The following HOOK1 variants were observed in gnomAD, a reference collection of about 807,000 sequenced individuals.
The protein encoded by HOOK1 is protein Hook homolog 1.
HOOK1 carries 60 observed loss-of-function variants against 112.8 expected under a neutral mutation model. That is an observed-to-expected ratio of 0.53 (90% CI 0.43 to 0.66). The LOEUF is 0.66. Ranked by LOEUF, HOOK1 falls within the 30% of genes least tolerant of loss-of-function variation. The pLI is 0.00. For missense variants in HOOK1, 770 were observed against 856.0 expected (o/e 0.90, Z 1.25); for synonymous variants, 294 against 283.8 (o/e 1.04, Z -0.36).
chr1:59,848,379 G>C lies in HOOK1; in HGVS notation c.994G>C (p.Asp332His). The C allele has an allele frequency of 1.2e-6, 2 of 1,611,190 alleles. No homozygotes were observed. The highest frequency in any genetic ancestry group is 1.7e-6 in the Non-Finnish European group (2 of 1,178,050). ...TGAGATATATCGTCAGAAGCTACAA[G>C]ATCTGAATGACCTTCGCAAGCAGGT... Reference protein sequence around the residue: ...TVEIYRQKLQDLNDLRKQVKT... With the variant: ...TVEIYRQKLQHLNDLRKQVKT... Residue 332 changes from aspartate (D) to histidine (H), a missense_variant, in exon 11 of 22, where the codon GAT (aspartate) becomes CAT (histidine). By Grantham distance (81) the Asp-to-His change is moderately conservative. This residue lies in a region of HOOK1 where 655 missense variants were observed against 725.9 expected (regional missense o/e 0.90). Coordinates refer to ENST00000371208, the MANE Select transcript of HOOK1 (RefSeq NM_015888.6).
intron 3 of HOOK1, among the ~76,000 whole-genome samples, chr1:59,829,365 A>T (rs1054844196): frequency 1.3e-5 from 2 of 152,166 alleles, no homozygotes; most frequent in Non-Finnish European, 2.9e-5. Context: ...AGCTACAAAC[A>T]TTCATATATG....
chr1:59,835,462 A>G (rs541098021), intron 6 of HOOK1, 50 bp downstream of exon 6: 38 of 1,045,624 alleles, frequency 3.6e-5, no homozygotes, highest in Middle Eastern at 4.1e-4. Context: ...ACCAAATTAT[A>G]CAAAACTTTT....
chr1:59,865,164 GA>G lies in HOOK1; in HGVS notation c.1668del (p.Lys556AsnfsTer23). On this transcript the variant is annotated frameshift_variant and splice_region_variant, in exon 18 of 22. Transcript: ENST00000371208. LOFTEE classifies it high-confidence loss of function. ...CTCCATGCTTTTTCTACCACTTAGG[GA>G]AAAACTCACAGAGGTCCATGAAGAA... is the stretch of plus-strand genomic sequence containing the variant. ...KLKQKLEAHM[E>X]KLTEVHEELQ... The G allele has an allele frequency of 6.3e-7, 1 of 1,594,692 alleles. No individual in the cohort carries two copies. The highest frequency in any genetic ancestry group is 8.6e-7 in the Non-Finnish European group (1 of 1,162,554).
rs117866534 is a variant in HOOK1, at chr1:59,870,699, G to A, written c.1948-343G>A. Among the ~76,000 whole-genome samples, 4 of 152,156 alleles carry A rather than the reference G, an allele frequency of 2.6e-5. No individual in the cohort carries two copies. In the East Asian group the frequency reaches 7.7e-4, roughly 29 times the overall value. On this transcript the variant is annotated intron_variant, in intron 20 of 21. Coordinates refer to ENST00000371208, the MANE Select transcript of HOOK1 (RefSeq NM_015888.6). ...TTCTCCTTAGTTTTGACCCCTCCAC[G>A]GGTGCAGCTCTGTTTCGTTTACCTA...
chr1:59,817,504 T>A (rs2098382516), intron 1 of HOOK1, among the ~76,000 whole-genome samples: 1 of 152,158 alleles, frequency 6.6e-6, no homozygotes, highest in African/African-American at 2.4e-5. Flanking sequence ...AATTAACTAA[T>A]TATTTTTGCC....
intron 1 of HOOK1, among the ~76,000 whole-genome samples, chr1:59,820,567 C>A (rs1164559724): frequency 2.0e-5 from 3 of 152,112 alleles, no homozygotes; most frequent in African/African-American, 4.8e-5. Flanking sequence ...TTTTCCTTGA[C>A]TATTTCTTTA....
At chr1:59,842,382 A>G (rs1574196690) in intron 8 of HOOK1, among the ~76,000 whole-genome samples, 1 of 152,166 alleles carries the variant, frequency 6.6e-6, no homozygotes, top group African/African-American at 2.4e-5. Context: ...AGGTAATAGT[A>G]GTCACTAAAC....
intron 12 of HOOK1, among the ~76,000 whole-genome samples, chr1:59,852,200 C>G (rs75566210): frequency 6.6e-6 from 1 of 151,556 alleles, no homozygotes; most frequent in African/African-American, 2.4e-5. Context: ...TGCTTTTTTA[C>G]GTTTTGGGAA....
chr1:59,854,791 C>A (rs902613514), intron 12 of HOOK1, among the ~76,000 whole-genome samples: 1 of 151,976 alleles, frequency 6.6e-6, no homozygotes, highest in Non-Finnish European at 1.5e-5. Context: ...GTTTATTGTA[C>A]TTTGAATTTG....
rs372127741 is a variant in HOOK1 at position 59,823,179 on chromosome 1, G to C, written c.149+1236G>C. ...ACTAAAAATACAAAAAATTAGCCAG[G>C]CATGGTGGCGGGCGCCTGTAGTCCC... On this transcript the variant is annotated intron_variant, in intron 2 of 21. Coordinates refer to ENST00000371208, the MANE Select transcript of HOOK1 (RefSeq NM_015888.6). Among the ~76,000 whole-genome samples, 710 of 152,252 alleles carry C rather than the reference G, an allele frequency of 4.7e-3. 7 individuals are homozygous for C. The highest frequency in any genetic ancestry group is 0.016 in the African/African-American group (685 of 41,530).
intron 7 of HOOK1, among the ~76,000 whole-genome samples, chr1:59,838,529 A>AT (rs1198347383): frequency 6.6e-6 from 1 of 151,996 alleles, no homozygotes; most frequent in Non-Finnish European, 1.5e-5. Flanking sequence ...CACTTTGCCC[A>AT]TTTTTTGATG....
intron 5 of HOOK1, among the ~76,000 whole-genome samples, chr1:59,834,507 G>A (rs914103432): frequency 1.3e-5 from 2 of 151,928 alleles, no homozygotes; most frequent in Non-Finnish European, 2.9e-5. Flanking sequence ...CTTCTCTGTA[G>A]GCTTTTATTT....
chr1:59,864,502 A>T (rs1643922395), intron 16 of HOOK1, 130 bp from the exon 17 acceptor site: 1 of 607,084 alleles, frequency 1.6e-6, no homozygotes, highest in African/African-American at 2.0e-5. Context: ...GTTATTGGAA[A>T]TACAAATTTT....
At chr1:59,868,378 T>C (rs1316993016) in intron 20 of HOOK1, 27 bp downstream of exon 20, 3 of 1,282,734 alleles carry the variant, frequency 2.3e-6, no homozygotes, top group South Asian at 1.2e-5. Context: ...TACTCATCTT[T>C]TAGTTATTTT....
At chr1:59,829,606 T>C (rs941183720) in intron 3 of HOOK1, among the ~76,000 whole-genome samples, 2 of 152,134 alleles carry the variant, frequency 1.3e-5, no homozygotes, top group African/African-American at 4.8e-5. Context: ...AACTGATCTT[T>C]AATGATGTTT....
rs1034452612 is a variant in HOOK1, at chr1:59,820,123, T to C, written c.64-1735T>C. ...CACCCAGAGCAGTGGTTCTCCAAAA[T>C]TGACATATTTAAGAATCAGTTGGAG... On this transcript the variant is annotated intron_variant, in intron 1 of 21. Transcript: ENST00000371208. Among the ~76,000 whole-genome samples the C allele has an allele frequency of 4.6e-5, 7 of 152,212 alleles. No homozygotes were observed. In the South Asian group the frequency reaches 8.3e-4, roughly 18 times the overall value.
At chr1:59,860,399 A>G in intron 15 of HOOK1, 71 bp downstream of exon 15, 1 of 1,325,078 alleles carries the variant, frequency 7.5e-7, no homozygotes, top group Non-Finnish European at 1.0e-6. Context: ...GATTCACAGA[A>G]ATGGAAAATA....
At chr1:59,845,587 TC>T (rs1044521316) in intron 9 of HOOK1, among the ~76,000 whole-genome samples, 2 of 151,894 alleles carry the variant, frequency 1.3e-5, no homozygotes, top group African/African-American at 4.8e-5. Context: ...GTTTTTTTTT[TC>T]AATCATGATT....
At chr1:59,824,468 A>T (rs2098388386) in intron 2 of HOOK1, among the ~76,000 whole-genome samples, 1 of 152,162 alleles carries the variant, frequency 6.6e-6, no homozygotes, top group African/African-American at 2.4e-5. Flanking sequence ...GGCCTCCCAA[A>T]GTGCTGGGAT....
Sources: gnomAD v4.1 joint callset for allele counts (sites outside exome capture counted in the v4.1 genomes callset) on GRCh38, gnomAD v4.1.1 for gene constraint, gnomAD v4.1.1 regional missense constraint, MANE v1.5 for transcripts, NCBI Gene and HGNC (gene_info 2026-07-23, HGNC 2026-07-21) for gene names.